Variants in CRACD observed in about 807,000 individuals in gnomAD.
CRACD encodes the protein capping protein inhibiting regulator of actin dynamics.
Under a neutral mutation model 106.8 loss-of-function variants are expected in CRACD, and 56 were observed. The observed-to-expected ratio is 0.52, with a 90% CI of 0.42 to 0.66. The LOEUF is 0.66. Ranked by LOEUF, CRACD falls within the 30% of genes least tolerant of loss-of-function variation. The probability of loss-of-function intolerance (pLI) is 0.00; values close to 1 mark genes in which losing one functional copy is unlikely to be tolerated. For synonymous variants in CRACD, 754 were observed against 670.8 expected, an observed-to-expected ratio of 1.12 and a Z score of -1.92; for missense variants, 1,730 against 1,623.2, an observed-to-expected ratio of 1.07 and a Z score of -1.13.
chr4:56,166,814 G>A (rs914203615), intron 1 of CRACD, among the ~76,000 whole-genome samples: 1 of 151,962 alleles, frequency 6.6e-6, no homozygotes, highest in Non-Finnish European at 1.5e-5. Flanking sequence ...ATGCAACATT[G>A]CATGTAAAAT....
chr4:56,171,756 T>C (rs538551858), intron 1 of CRACD, among the ~76,000 whole-genome samples: 1 of 152,290 alleles, frequency 6.6e-6, no homozygotes, highest in African/African-American at 2.4e-5. Context: ...AGTAGAAAAT[T>C]ATAAGATCTA....
At chr4:56,149,630 C>T (rs575542447) in intron 1 of CRACD, among the ~76,000 whole-genome samples, 32 of 152,184 alleles carry the variant, frequency 2.1e-4, no homozygotes, top group African/African-American at 6.7e-4. Flanking sequence ...AAATTAAAAG[C>T]GATGATTTTT....
rs1490397452 is a variant in CRACD at position 56,131,306 on chromosome 4, G to C, written c.-335-47978G>C. Among the ~76,000 whole-genome samples the C allele has an allele frequency of 4.6e-5, 7 of 152,274 alleles. No homozygotes were observed. The East Asian group carries it at 1.4e-3, about 29-fold the overall frequency. On this transcript the variant is annotated intron_variant, in intron 1 of 10. Transcript: ENST00000682029. ...TCCATTTTACAAAGTTGTAGAGTTT[G>C]AATGGGTTGACCTAATGTGCCACAG... is the stretch of plus-strand genomic sequence containing the variant.
At chr4:56,298,802 A>ATC (rs1333358259) in intron 4 of CRACD, among the ~76,000 whole-genome samples, 3 of 152,050 alleles carry the variant, frequency 2.0e-5, no homozygotes, top group African/African-American at 7.2e-5. Context: ...ATGTGGTGGC[A>ATC]CACACCTGTA....
chr4:56,284,418 T>C (rs1743214264), intron 3 of CRACD, among the ~76,000 whole-genome samples: 1 of 151,314 alleles, frequency 6.6e-6, no homozygotes. Flanking sequence ...TAAGATGGTA[T>C]CACTATTGTC....
intron 2 of CRACD, among the ~76,000 whole-genome samples, chr4:56,250,689 A>G (rs907255021): frequency 9.2e-5 from 14 of 152,218 alleles, no homozygotes; most frequent in Non-Finnish European, 1.5e-4. Context: ...ACTGTGTAAC[A>G]ACGGGCAAAT....
At chr4:56,130,153 C>G (rs1313938231) in intron 1 of CRACD, among the ~76,000 whole-genome samples, 1 of 152,048 alleles carries the variant, frequency 6.6e-6, no homozygotes, top group Non-Finnish European at 1.5e-5. Flanking sequence ...CACCTGTAGT[C>G]CCAGCTACTT....
chr4:56,261,624 A>T (rs625409), intron 2 of CRACD, among the ~76,000 whole-genome samples: 37,339 of 151,904 alleles, frequency 0.25, 4,673 homozygotes, highest in Non-Finnish European at 0.27. Flanking sequence ...TGCTAGAATT[A>T]CAGGCATGAG....
intron 1 of CRACD, among the ~76,000 whole-genome samples, chr4:56,113,016 G>A (rs1734171353): frequency 1.3e-5 from 2 of 152,088 alleles, no homozygotes; most frequent in Non-Finnish European, 2.9e-5. Context: ...ACTTCAGTAG[G>A]CCTAACCGTC....
chr4:56,214,412 G>C (rs988435415), intron 2 of CRACD, among the ~76,000 whole-genome samples: 10 of 151,772 alleles, frequency 6.6e-5, no homozygotes, highest in African/African-American at 2.2e-4. Context: ...GGCCAACATG[G>C]TGAAAACTCA....
At chr4:56,108,977 T>TAATA (rs1392920898) in intron 1 of CRACD, among the ~76,000 whole-genome samples, 2 of 152,174 alleles carry the variant, frequency 1.3e-5, no homozygotes, top group African/African-American at 4.8e-5. Flanking sequence ...CAGGCCTGGA[T>TAATA]AATATCCAGC....
chr4:56,148,981 A>G (rs1735491162), intron 1 of CRACD, among the ~76,000 whole-genome samples: 1 of 151,708 alleles, frequency 6.6e-6, no homozygotes, highest in African/African-American at 2.4e-5. Flanking sequence ...ACACCCAGCT[A>G]GTTTTTGTAT....
chr4:56,214,681 C>CTCTCTCTATA lies in CRACD; in HGVS notation c.-189+35252_-189+35253insCTCTCTATAT. On this transcript the variant is annotated intron_variant, in intron 2 of 10. Transcript: ENST00000682029. ...TCTCTCTCTCTCTCTCTCTCTCTCT[C>CTCTCTCTATA]TATATATATATATATCAAACAGTTA... Among the ~76,000 whole-genome samples the CTCTCTCTATA allele has an allele frequency of 1.2e-3, 95 of 80,998 alleles. 2 individuals are homozygous for CTCTCTCTATA. The highest frequency in any genetic ancestry group is 2.9e-3 in the African/African-American group (69 of 23,492). 53.1% of individuals were successfully genotyped at this position (80,998 alleles called of 152,430 possible).
intron 2 of CRACD, among the ~76,000 whole-genome samples, chr4:56,231,018 G>A (rs1025775510): frequency 6.6e-6 from 1 of 151,872 alleles, no homozygotes; most frequent in African/African-American, 2.4e-5. Flanking sequence ...ATTTAATATG[G>A]TTGGTTGTCC....
intron 1 of CRACD, among the ~76,000 whole-genome samples, chr4:56,113,418 G>A (rs2109845282): frequency 6.6e-6 from 1 of 152,220 alleles, no homozygotes; most frequent in South Asian, 2.1e-4. Context: ...GCAAAAAGCT[G>A]TTCAGAAATT....
Position 56,314,748 on chromosome 4 carries a change from AG to A in CRACD, c.1251del (p.Gln418SerfsTer6). On this transcript the variant is annotated frameshift_variant, in exon 8 of 11. Transcript: ENST00000682029. LOFTEE classifies it high-confidence loss of function. The surrounding 1 kb of genome is among the most constrained non-coding windows in gnomAD (Gnocchi z 4.4). ...EEGQAHLEDW[R>X]GQLSELLNDF... ...GGGCCAGGCGCACCTGGAGGACTGGAGGGGGCAGCTCAGTGAGCTTCTGAAC... is the reference window on the plus strand; with the variant it reads ...GGGCCAGGCGCACCTGGAGGACTGGAGGGGCAGCTCAGTGAGCTTCTGAAC... 6.3e-7 allele frequency: 1 copy of A among 1,585,534 alleles called. No homozygotes were observed. Among genetic ancestry groups the A allele is most frequent in the Non-Finnish European group, 8.6e-7 (1 of 1,167,060 alleles).
chr4:56,104,375 CAG>C (rs141368106), intron 1 of CRACD, among the ~76,000 whole-genome samples: 2,015 of 152,010 alleles, frequency 0.013, 23 homozygotes, highest in East Asian at 0.065. Context: ...GCCTGGGCGA[CAG>C]AGAGAGAGAC....
chr4:56,139,794 T>C (rs1253178179), intron 1 of CRACD, among the ~76,000 whole-genome samples: 1 of 152,176 alleles, frequency 6.6e-6, no homozygotes. Flanking sequence ...CATTTTTTTC[T>C]TTTTTGCACA....
chr4:56,193,124 G>C (rs941094250), intron 2 of CRACD, among the ~76,000 whole-genome samples: 5 of 152,222 alleles, frequency 3.3e-5, no homozygotes, highest in African/African-American at 1.2e-4. Flanking sequence ...GAAGAGCAAA[G>C]GGATGTTTTA....
Sources: allele counts gnomAD v4.1 joint callset (sites outside exome capture counted in the v4.1 genomes callset), GRCh38; gene constraint gnomAD v4.1.1; non-coding constraint Gnocchi (gnomAD v3.1); transcripts MANE v1.5; gene names NCBI Gene and HGNC (gene_info 2026-07-23, HGNC 2026-07-21).